PAN3: variants seen among roughly 807,000 people sequenced by gnomAD.
PAN3 encodes PAN2-PAN3 deadenylation complex subunit PAN3.
In PAN3, 19 loss-of-function variants were observed where a neutral mutation model predicts 96.2. The observed-to-expected ratio is 0.20, with a 90% CI of 0.14 to 0.29. PAN3 has a LOEUF of 0.29. PAN3 is among the 10% of genes least tolerant of loss of function. The pLI, the probability that PAN3 is intolerant of heterozygous loss-of-function variation, is 1.00. For synonymous variants in PAN3, 433 were observed against 406.6 expected (o/e 1.06, Z -0.78); for missense variants, 882 against 1,108.1 (o/e 0.80, Z 2.90).
chr13:28,243,106 C>T (rs530797316), intron 6 of PAN3, among the ~76,000 whole-genome samples: 9 of 152,216 alleles, frequency 5.9e-5, no homozygotes, highest in African/African-American at 2.2e-4. Context: ...TCTTCCCTTC[C>T]AGTTTTTTTT....
At chr13:28,249,006 A>G (rs1238123015) in intron 6 of PAN3, among the ~76,000 whole-genome samples, 3 of 152,062 alleles carry the variant, frequency 2.0e-5, no homozygotes, top group South Asian at 4.1e-4. Flanking sequence ...ATTTGCAAAT[A>G]TTTTCTCCTA....
chr13:28,176,630 A>G, intron 3 of PAN3, 71 bp downstream of exon 3: 1 of 1,439,648 alleles, frequency 6.9e-7, no homozygotes, highest in Non-Finnish European at 9.6e-7. Context: ...ATATACAACC[A>G]TTGTAGAAAT....
At chr13:28,255,113 T>C (rs965741223) in intron 6 of PAN3, among the ~76,000 whole-genome samples, 3 of 152,220 alleles carry the variant, frequency 2.0e-5, no homozygotes, top group Non-Finnish European at 2.9e-5. Context: ...TCCCTGTTAA[T>C]CATAATTTTG....
intron 1 of PAN3, among the ~76,000 whole-genome samples, chr13:28,149,217 TTGG>T (rs1486413902): frequency 1.3e-5 from 2 of 152,038 alleles, no homozygotes; most frequent in Non-Finnish European, 1.5e-5. Flanking sequence ...TTAGCTAGGC[TTGG>T]TGGTGCACCT....
chr13:28,249,483 CTG>C (rs1401802480), intron 6 of PAN3, among the ~76,000 whole-genome samples: 1 of 151,854 alleles, frequency 6.6e-6, no homozygotes, highest in Non-Finnish European at 1.5e-5. Flanking sequence ...GAGTCTCACT[CTG>C]TTGCCCAGGC....
chr13:28,144,291 A>G (rs1870289970), intron 1 of PAN3, among the ~76,000 whole-genome samples: 1 of 138,294 alleles, frequency 7.2e-6, no homozygotes, highest in Non-Finnish European at 1.5e-5. Context: ...GTCTCGGCTC[A>G]CTGCGAGCTC....
At chr13:28,163,979 G>A (rs1400981397) in intron 1 of PAN3, among the ~76,000 whole-genome samples, 1 of 152,116 alleles carries the variant, frequency 6.6e-6, no homozygotes, top group Non-Finnish European at 1.5e-5. Flanking sequence ...TGTAGTCCCA[G>A]CTACTTGGGA....
intron 1 of PAN3, among the ~76,000 whole-genome samples, chr13:28,164,408 G>GATAT (rs1873282525): frequency 6.6e-6 from 1 of 152,184 alleles, no homozygotes; most frequent in South Asian, 2.1e-4. Context: ...AATTGTTGAG[G>GATAT]ATATGCTAAT....
At chr13:28,224,654 T>C (rs1257464612) in intron 6 of PAN3, among the ~76,000 whole-genome samples, 1 of 152,316 alleles carries the variant, frequency 6.6e-6, no homozygotes, top group Non-Finnish European at 1.5e-5. Flanking sequence ...TGTCTCACTC[T>C]GTCGTCCATC....
rs181006417 is a variant in PAN3, at chr13:28,140,540, G to C, written c.430+1453G>C. On this transcript the variant is annotated intron_variant, in intron 1 of 18. Transcript: ENST00000380958. ...GAGGATTATTTAATATCTTCCCCGG[G>C]GTTTTGCTTTCTTGCTTTTTCTTTC... is the stretch of plus-strand genomic sequence containing the variant. 2.1e-3 allele frequency among the ~76,000 whole-genome samples: 318 copies of C among 152,154 alleles called. 6 individuals carry two copies. The highest frequency in any genetic ancestry group is 0.015 in the Admixed American group (232 of 15,270).
intron 6 of PAN3, chr13:28,239,481 C>G: frequency 1.9e-6 from 1 of 537,932 alleles, no homozygotes; most frequent in South Asian, 2.0e-5. Flanking sequence ...GGAAGTTGAA[C>G]TATTTTTTTG....
chr13:28,215,652 C>A, intron 5 of PAN3: 1 of 1,379,880 alleles, frequency 7.2e-7, no homozygotes, highest in South Asian at 1.2e-5. Flanking sequence ...GATTTATTGC[C>A]ATTTTGGTAA....
In PAN3 at chr13:28,209,228, T is replaced by C. The variant is rs959680492; in HGVS notation, c.853-11003T>C. ...TACGGAGTGCTGACTGTATATACTATTGAAAAAAATCAGATACTATAGAAG... is the reference window on the plus strand; with the variant it reads ...TACGGAGTGCTGACTGTATATACTACTGAAAAAAATCAGATACTATAGAAG... On this transcript the variant is annotated intron_variant, in intron 5 of 18. Coordinates refer to ENST00000380958, the MANE Select transcript of PAN3 (RefSeq NM_175854.8). Among the ~76,000 whole-genome samples the C allele has an allele frequency of 2.0e-5, 3 of 152,180 alleles. No homozygotes were observed. The South Asian group carries it at 6.2e-4, about 31-fold the overall frequency.
chr13:28,181,694 G>T (rs1385243430), intron 4 of PAN3, among the ~76,000 whole-genome samples: 12 of 152,136 alleles, frequency 7.9e-5, no homozygotes, highest in Admixed American at 7.9e-4. Flanking sequence ...TCTGTGAATT[G>T]TCTGTTAGGA....
intron 6 of PAN3, among the ~76,000 whole-genome samples, chr13:28,233,352 G>GA (rs1882777557): frequency 6.7e-6 from 1 of 149,030 alleles, no homozygotes; most frequent in Non-Finnish European, 1.5e-5. Flanking sequence ...CTGCAACCTT[G>GA]GCCTCCTGGG....
At position 28,154,389 on chromosome 13, in the gene PAN3, T is replaced by G. The variant is rs937192035; in HGVS notation, c.430+15302T>G. Among the ~76,000 whole-genome samples, 32 of 149,578 alleles carry G rather than the reference T, an allele frequency of 2.1e-4. 1 individual carries two copies. The highest frequency in any genetic ancestry group is 2.5e-4 in the African/African-American group (10 of 40,634). ...AAATTTCTGTTTCGGGATTTTTTGG[T>G]TTTTTTTTTCTTACTATAGGCCTTG... On this transcript the variant is annotated intron_variant, in intron 1 of 18. Transcript: ENST00000380958.
intron 1 of PAN3, among the ~76,000 whole-genome samples, chr13:28,173,296 A>G (rs1025337187): frequency 6.6e-6 from 1 of 151,964 alleles, no homozygotes; most frequent in Admixed American, 6.6e-5. Flanking sequence ...TTTTTTTCCC[A>G]TTTCACATTG....
intron 1 of PAN3, among the ~76,000 whole-genome samples, chr13:28,159,458 T>A (rs913067656): frequency 2.0e-5 from 3 of 152,164 alleles, no homozygotes; most frequent in African/African-American, 7.2e-5. Flanking sequence ...CTGTTTTTAT[T>A]TTTTTTGAGA....
chr13:28,256,180 A>G, intron 6 of PAN3, 112 bp from the exon 7 acceptor site: 2 of 1,161,392 alleles, frequency 1.7e-6, no homozygotes, highest in Non-Finnish European at 1.2e-6. Flanking sequence ...CTTTGCACTT[A>G]CGATCCCAAA....
Sources: allele counts gnomAD v4.1 joint callset (sites outside exome capture counted in the v4.1 genomes callset), GRCh38; gene constraint gnomAD v4.1.1; transcripts MANE v1.5; gene names NCBI Gene and HGNC (gene_info 2026-07-23, HGNC 2026-07-21).